Variants in GPR55 observed in about 807,000 individuals in gnomAD.
GPR55 encodes G-protein coupled receptor 55.
GPR55 carries 6 observed loss-of-function variants against 7.9 expected under a neutral mutation model. The observed-to-expected ratio is 0.76, with a 90% CI of 0.41 to 1.49. GPR55 has a LOEUF of 1.49. GPR55 is among the 40% of genes most tolerant of loss of function. The pLI is 0.01. For missense variants in GPR55, 376 were observed against 406.0 expected (o/e 0.93, Z 0.63); for synonymous variants, 183 against 166.8 (o/e 1.10, Z -0.75).
rs2125043856 is a variant in GPR55, at chr2:230,909,047, A to G, written c.*956T>C. On this transcript the variant is annotated 3_prime_UTR_variant, in exon 2 of 2. Transcript: ENST00000650999. ...CACCCTCCTATGGTGGAACCAAGGCAGGCCTGATTCTTTGCCATTGTTTTC... is the reference window on the plus strand; with the variant it reads ...CACCCTCCTATGGTGGAACCAAGGCGGGCCTGATTCTTTGCCATTGTTTTC... 1 of 152,402 alleles carries G rather than the reference A, an allele frequency of 6.6e-6. No individual in the cohort carries two copies. The highest frequency in any genetic ancestry group is 1.5e-5 in the Non-Finnish European group (1 of 68,082). The allele number at this position is 152,402 out of a possible 1,614,324, so 9.4% of individuals were successfully genotyped here. A position where few individuals can be genotyped will look rare whatever the true frequency, so the allele number is the denominator to read the frequency against.
intron 1 of GPR55, among the ~76,000 whole-genome samples, chr2:230,936,415 A>G (rs1014514751): frequency 1.3e-5 from 2 of 152,136 alleles, no homozygotes; most frequent in East Asian, 1.9e-4. Context: ...ATGGTTTTAT[A>G]AGGGGCTTTC....
intron 1 of GPR55, among the ~76,000 whole-genome samples, chr2:230,914,774 C>A (rs1690671822): frequency 6.6e-6 from 1 of 152,200 alleles, no homozygotes; most frequent in Admixed American, 6.5e-5. Flanking sequence ...AGCAATGGTA[C>A]TGTAGTTGGC....
intron 1 of GPR55, among the ~76,000 whole-genome samples, chr2:230,948,027 C>A (rs528666563): frequency 6.6e-6 from 1 of 152,286 alleles, no homozygotes; most frequent in Admixed American, 6.5e-5. Flanking sequence ...CCGCCCGGCT[C>A]CTTTGTGACA....
chr2:230,956,934 T>C (rs1030615194), intron 1 of GPR55, among the ~76,000 whole-genome samples: 6 of 150,748 alleles, frequency 4.0e-5, no homozygotes, highest in Admixed American at 1.3e-4. Flanking sequence ...TTTTTTTTTT[T>C]CAGTTCTAAG....
chr2:230,918,538 T>A (rs1201989094), intron 1 of GPR55, among the ~76,000 whole-genome samples: 1 of 152,214 alleles, frequency 6.6e-6, no homozygotes, highest in African/African-American at 2.4e-5. Flanking sequence ...CCCTATAAAG[T>A]ATTTCAGAAC....
rs546892219 is a variant in GPR55 at position 230,942,319 on chromosome 2, T to C, written c.-135+18456A>G. Among the ~76,000 whole-genome samples, 4 of 152,300 alleles carry C rather than the reference T, an allele frequency of 2.6e-5. No homozygotes were observed. In the South Asian group the frequency reaches 8.3e-4, roughly 32 times the overall value. ...CTTCTCCTGCCTCAGCCGGGCCTCCTGGCCCTGCCTCCCTCAGGGAGTGTC... is the reference window on the plus strand; with the variant it reads ...CTTCTCCTGCCTCAGCCGGGCCTCCCGGCCCTGCCTCCCTCAGGGAGTGTC... On this transcript the variant is annotated intron_variant, in intron 1 of 1. Coordinates refer to the GPR55 transcript ENST00000392039.
At chr2:230,948,996 G>C (rs961458334) in intron 1 of GPR55, among the ~76,000 whole-genome samples, 4 of 152,170 alleles carry the variant, frequency 2.6e-5, no homozygotes. Flanking sequence ...CTGAGCCAGG[G>C]GGGTCAAGGC....
chr2:230,919,564 A>G (rs1690789274), intron 1 of GPR55, among the ~76,000 whole-genome samples: 1 of 152,226 alleles, frequency 6.6e-6, no homozygotes, highest in South Asian at 2.1e-4. Context: ...ACCAGTCACC[A>G]ATATGCTAGT....
rs76918761 is a variant in GPR55 at position 230,931,980 on chromosome 2, G to A, written c.-134-20884C>T. Reference sequence around the variant, plus strand: ...TGGTAGGGCAGCCCCACCCCAGCCCGGTCCCGTCGAGGCCACTCCACACCT... The same window carrying A: ...TGGTAGGGCAGCCCCACCCCAGCCCAGTCCCGTCGAGGCCACTCCACACCT... On this transcript the variant is annotated intron_variant, in intron 1 of 1. Transcript: ENST00000392039. Among the ~76,000 whole-genome samples the A allele has an allele frequency of 4.5e-4, 69 of 152,110 alleles. 1 individual carries two copies. The East Asian group carries it at 9.3e-3, about 20-fold the overall frequency.
upstream of GPR55, among the ~76,000 whole-genome samples, chr2:230,926,333 G>T (rs1481629127): frequency 6.6e-6 from 1 of 152,216 alleles, no homozygotes; most frequent in Non-Finnish European, 1.5e-5. Flanking sequence ...TCCACTGCCT[G>T]CTCCAGGCCG....
At chr2:230,960,137 G>T (rs1314751485) in intron 1 of GPR55, among the ~76,000 whole-genome samples, 1 of 152,244 alleles carries the variant, frequency 6.6e-6, no homozygotes, top group Non-Finnish European at 1.5e-5. Flanking sequence ...ATGACCCGTT[G>T]TCCCAGAGCC....
At chr2:230,919,865 TTC>T (rs2125053916) in intron 1 of GPR55, among the ~76,000 whole-genome samples, 1 of 152,284 alleles carries the variant, frequency 6.6e-6, no homozygotes, top group Admixed American at 6.5e-5. Flanking sequence ...TGGAAAATTT[TTC>T]TGTCTGACTG....
intron 1 of GPR55, among the ~76,000 whole-genome samples, chr2:230,917,034 A>C (rs1460694377): frequency 6.6e-6 from 1 of 152,264 alleles, no homozygotes; most frequent in Non-Finnish European, 1.5e-5. Flanking sequence ...AACAAAAGAA[A>C]GACAGGGAGG....
chr2:230,926,017 C>T (rs572380263), upstream of GPR55, among the ~76,000 whole-genome samples: 18 of 152,292 alleles, frequency 1.2e-4, no homozygotes, highest in South Asian at 2.1e-3. Context: ...GAAACTACCC[C>T]GGCAGATGCA....
At chr2:230,922,811 G>C (rs967652204) in intron 1 of GPR55, among the ~76,000 whole-genome samples, 1 of 152,120 alleles carries the variant, frequency 6.6e-6, no homozygotes. Flanking sequence ...CCGACCTCAG[G>C]TGATCCACCT....
intron 1 of GPR55, among the ~76,000 whole-genome samples, chr2:230,943,774 C>A (rs887559889): frequency 4.6e-5 from 7 of 152,076 alleles, no homozygotes; most frequent in Non-Finnish European, 8.8e-5. Context: ...TGAAAGTGTG[C>A]GGCACCTCCC....
At chr2:230,931,965 GCCCCACC>G (rs1196865033) in intron 1 of GPR55, among the ~76,000 whole-genome samples, 1 of 151,922 alleles carries the variant, frequency 6.6e-6, no homozygotes, top group Non-Finnish European at 1.5e-5. Context: ...TGGTAGGGCA[GCCCCACC>G]CCAGCCCGGT....
At chr2:230,914,332 C>A (rs1275431543) in intron 1 of GPR55, among the ~76,000 whole-genome samples, 1 of 152,096 alleles carries the variant, frequency 6.6e-6, no homozygotes, top group Non-Finnish European at 1.5e-5. Flanking sequence ...ATTTGAATTA[C>A]CGACAGACTT....
upstream of GPR55, chr2:230,928,608 T>C (rs1690982194): frequency 6.6e-6 from 1 of 152,092 alleles, no homozygotes; most frequent in African/African-American, 2.4e-5. Flanking sequence ...AGGAAGTGCC[T>C]GGTACTCAAG....
Sources: gnomAD v4.1 joint callset for allele counts (sites outside exome capture counted in the v4.1 genomes callset) on GRCh38, gnomAD v4.1.1 for gene constraint, MANE v1.5 for transcripts, NCBI Gene and HGNC (gene_info 2026-07-23, HGNC 2026-07-21) for gene names.